IGDCC4: variants seen among roughly 807,000 people sequenced by gnomAD.
The protein encoded by IGDCC4 is likely ortholog of mouse neighbor of Punc E11.
Under a neutral mutation model 116.6 loss-of-function variants are expected in IGDCC4, and 72 were observed. The ratio of observed to expected loss-of-function variants is 0.62; its 90% CI spans 0.51 to 0.75. The LOEUF is 0.75. Among genes scored for constraint, IGDCC4 ranks in the 30% least tolerant of loss-of-function variants. The probability of loss-of-function intolerance (pLI) is 0.00; values close to 1 mark genes in which losing one functional copy is unlikely to be tolerated. For missense variants in IGDCC4, 1,501 were observed against 1,662.4 expected (o/e 0.90, Z 1.69); for synonymous variants, 709 against 719.9 (o/e 0.98, Z 0.24).
Position 65,394,533 on chromosome 15 carries a change from G to C in IGDCC4, c.1592C>G (p.Pro531Arg), listed in dbSNP as rs762796473. The part of the protein sequence containing the change: ...HTLDDVPSAA[P>R]QLSLSSPNPS... ...GTTGGGGCTGGACAGGGAGAGCTGG[G>C]GTGCTGCACTGGGGACTGAGACAGA... The change falls in exon 9 of 20, where the codon CCC (proline) becomes CGC (arginine). Residue 531 changes from proline to arginine, a missense_variant. Transcript: ENST00000352385. 2.5e-6 allele frequency: 4 copies of C among 1,607,134 alleles called. No homozygotes were observed. The highest frequency in any genetic ancestry group is 2.7e-5 in the African/African-American group (2 of 74,836).
At position 65,419,223 on chromosome 15, in the gene IGDCC4, C is replaced by CTT. The variant is rs541482808; in HGVS notation, c.70+3568_70+3569dup. On this transcript the variant is annotated intron_variant, in intron 1 of 19. Coordinates refer to ENST00000352385, the MANE Select transcript of IGDCC4 (RefSeq NM_020962.3). ...AGGGAACACCACCATGACCGCCATG[C>CTT]TTTTTTTTTTTTTTTTTTTAATTTT... 6.0e-3 allele frequency among the ~76,000 whole-genome samples: 754 copies of CTT among 126,444 alleles called. 5 individuals are homozygous for CTT. Among genetic ancestry groups the CTT allele is most frequent in the African/African-American group, 0.019 (653 of 33,622 alleles). The allele number at this position is 126,444 out of a possible 152,430, so 83.0% of individuals were successfully genotyped here. A position where few individuals can be genotyped will look rare whatever the true frequency, so the allele number is the denominator to read the frequency against.
At chr15:65,390,693 C>T (rs1339176579) in intron 12 of IGDCC4, among the ~76,000 whole-genome samples, 3 of 152,090 alleles carry the variant, frequency 2.0e-5, no homozygotes, top group Non-Finnish European at 2.9e-5. Context: ...TCTCCATTCA[C>T]TATTCTAATG....
intron 3 of IGDCC4, among the ~76,000 whole-genome samples, chr15:65,408,878 C>T (rs1339056319): frequency 7.2e-6 from 1 of 138,984 alleles, no homozygotes; most frequent in Non-Finnish European, 1.5e-5. Context: ...CTCGGTGTGT[C>T]ACCCAGGCTG....
rs765556242 is a variant in IGDCC4 at position 65,391,908 on chromosome 15, C to T, written c.2196G>A (p.Lys732=). 3.1e-6 allele frequency: 5 copies of T among 1,614,034 alleles called. No homozygotes were observed. The Admixed American group carries it at 6.7e-5, about 22-fold the overall frequency. ...KHEDGYAAVW[K]GKTEKAPAPD... ...GTGCCGGCGCCTTCTCCGTCTTGCC[C>T]TTCCACACTGCTGCATAGCCATCCT... Residue 732 remains lysine, a synonymous_variant, in exon 12 of 20, where the codon AAG becomes AAA. Coordinates refer to ENST00000352385, the MANE Select transcript of IGDCC4 (RefSeq NM_020962.3).
chr15:65,391,789 C>A, intron 12 of IGDCC4, 91 bp downstream of exon 12: 1 of 1,162,184 alleles, frequency 8.6e-7, no homozygotes, highest in South Asian at 1.3e-5. Context: ...AAAGTACCTG[C>A]TCACCAGGCT....
At chr15:65,391,801 G>T in intron 12 of IGDCC4, 79 bp downstream of exon 12, 2 of 1,312,406 alleles carry the variant, frequency 1.5e-6, no homozygotes, top group Non-Finnish European at 1.1e-6. Context: ...CACCAGGCTG[G>T]CCCAAAGGAA....
intron 6 of IGDCC4, 118 bp from the exon 7 acceptor site, chr15:65,396,281 A>C: frequency 9.3e-7 from 1 of 1,077,184 alleles, no homozygotes; most frequent in Non-Finnish European, 1.3e-6. Context: ...CAATCACTTT[A>C]ACCTCTCCCT....
At chr15:65,392,438 G>A (rs2062877233) in intron 10 of IGDCC4, 68 bp from the exon 11 acceptor site, 2 of 1,239,182 alleles carry the variant, frequency 1.6e-6, no homozygotes, top group Non-Finnish European at 2.2e-6. Flanking sequence ...AGGAGGCCAG[G>A]GATAGGAGAC....
chr15:65,404,667 T>C (rs369975544), intron 3 of IGDCC4, among the ~76,000 whole-genome samples: 4 of 94,938 alleles, frequency 4.2e-5, no homozygotes, highest in African/African-American at 2.8e-4. Context: ...AATGATGTGA[T>C]TGAGTGAATG....
At position 65,393,450 on chromosome 15, in the gene IGDCC4, A is replaced by C. The variant is rs1446611202; in HGVS notation, c.1796T>G (p.Val599Gly). 1.2e-6 allele frequency: 2 copies of C among 1,613,452 alleles called. No individual in the cohort carries two copies. Among genetic ancestry groups the C allele is most frequent in the Admixed American group, 1.7e-5 (1 of 59,926 alleles). The change falls in exon 10 of 20, where the codon GTA becomes GGA. Residue 599 changes from valine (V) to glycine (G), a missense_variant. Val to Gly is a moderately radical substitution (Grantham distance 109). Transcript: ENST00000352385. This position sits in a 1 kb window ranked among gnomAD's most constrained non-coding sequence, Gnocchi z 4.6. ...GGCTGCTGTACCAGCCGAAATCCGT[A>C]CTCGATACACCTTGTTTGGCTGAAG... is the stretch of plus-strand genomic sequence containing the variant. ...NSLQPNKVYR[V>G]RISAGTAAGF...
At chr15:65,417,494 C>A (rs1309687832) in intron 1 of IGDCC4, among the ~76,000 whole-genome samples, 1 of 152,246 alleles carries the variant, frequency 6.6e-6, no homozygotes, top group Non-Finnish European at 1.5e-5. Flanking sequence ...TGGTGCTGCT[C>A]TCACTCCCTA....
intron 1 of IGDCC4, among the ~76,000 whole-genome samples, chr15:65,419,793 C>G (rs79910290): frequency 6.6e-6 from 1 of 152,168 alleles, no homozygotes; most frequent in South Asian, 2.1e-4. Flanking sequence ...CACCTTTGTG[C>G]GTGTGATAAG....
At chr15:65,412,511 C>CAA (rs3082805) in intron 1 of IGDCC4, among the ~76,000 whole-genome samples, 5,855 of 16,672 alleles carry the variant, frequency 0.35, 2,359 homozygotes, top group Middle Eastern at 1. Flanking sequence ...GATTCCATCT[C>CAA]AAAAAAAAAA....
At position 65,388,813 on chromosome 15, in the gene IGDCC4, G is replaced by C; in HGVS notation, c.2702C>G (p.Thr901Arg). The C allele has an allele frequency of 6.2e-7, 1 of 1,613,970 alleles. No individual in the cohort carries two copies. Among genetic ancestry groups the C allele is most frequent in the Non-Finnish European group, 8.5e-7 (1 of 1,179,992 alleles). Residue 901 changes from threonine to arginine, a missense_variant, in exon 15 of 20, where the codon ACG (threonine) becomes AGG (arginine). Physicochemically the swap from Thr to Arg is moderately conservative, Grantham distance 71. This residue lies in a region of IGDCC4 where 235 missense variants were observed against 328.0 expected (regional missense o/e 0.72). Transcript: ENST00000352385. ...CCTGGGGCAGGAGCCCTCACCCTGC[G>C]TGGTGAGCAAGGTCCACTGGTGCTC... The part of the protein sequence containing the change: ...QPEHQWTLLT[T>R]QGNIFSAEVH...
At position 65,383,901 on chromosome 15, in the gene IGDCC4, G is replaced by A. The variant is rs2091426180; in HGVS notation, c.*108C>T. On this transcript the variant is annotated 3_prime_UTR_variant, in exon 20 of 20. Coordinates refer to ENST00000352385, the MANE Select transcript of IGDCC4 (RefSeq NM_020962.3). ...CCAAAGCAACTTAGGAAGCTCCAAA[G>A]GGCTTGATGATGTATCTACAGGCAC... 2 of 1,095,180 alleles carry A rather than the reference G, an allele frequency of 1.8e-6. No homozygotes were observed. The highest frequency in any genetic ancestry group is 1.9e-5 in the South Asian group (1 of 51,732). 67.8% of individuals were successfully genotyped at this position (1,095,180 alleles called of 1,614,324 possible). A position where few individuals can be genotyped will look rare whatever the true frequency, so the allele number is the denominator to read the frequency against.
intron 1 of IGDCC4, among the ~76,000 whole-genome samples, chr15:65,422,013 G>T (rs148806415): frequency 6.6e-6 from 1 of 152,078 alleles, no homozygotes; most frequent in Admixed American, 6.5e-5. Flanking sequence ...CGCTTCCCTG[G>T]TCGGTCCCTG....
chr15:65,402,532 C>T (rs1192964223), intron 3 of IGDCC4, 45 bp from the exon 4 acceptor site: 4 of 1,550,562 alleles, frequency 2.6e-6, no homozygotes, highest in Non-Finnish European at 3.5e-6. Context: ...GCAGGGGGGC[C>T]ACAGGGAGGG....
chr15:65,384,489 C>T lies in IGDCC4; in HGVS notation c.3343-70G>A, dbSNP rs1248121823. The T allele has an allele frequency of 7.1e-6, 10 of 1,417,772 alleles. No homozygotes were observed. Among genetic ancestry groups the T allele is most frequent in the Middle Eastern group, 1.8e-4 (1 of 5,420 alleles). 87.8% of individuals were successfully genotyped at this position (1,417,772 alleles called of 1,614,324 possible). A position where few individuals can be genotyped will look rare whatever the true frequency, so the allele number is the denominator to read the frequency against. Reference sequence around the variant, plus strand: ...AGTAATCATCAGAATGACCAGCGTACGTGGGGCAGAAAGTCTGACCCTCCA... The same window carrying T: ...AGTAATCATCAGAATGACCAGCGTATGTGGGGCAGAAAGTCTGACCCTCCA... On this transcript the variant is annotated intron_variant, in intron 19 of 19. Coordinates refer to ENST00000352385, the MANE Select transcript of IGDCC4 (RefSeq NM_020962.3). This position sits in a 1 kb window ranked among gnomAD's most constrained non-coding sequence, Gnocchi z 4.9.
At chr15:65,417,122 T>A (rs1240035848) in intron 1 of IGDCC4, among the ~76,000 whole-genome samples, 1 of 152,210 alleles carries the variant, frequency 6.6e-6, no homozygotes, top group Non-Finnish European at 1.5e-5. Flanking sequence ...ACTACTTGTT[T>A]GCAGCCCAGG....
Sources: gnomAD v4.1 joint callset for allele counts (sites outside exome capture counted in the v4.1 genomes callset) on GRCh38, gnomAD v4.1.1 for gene constraint, gnomAD v4.1.1 regional missense constraint, Gnocchi (gnomAD v3.1) non-coding constraint, MANE v1.5 for transcripts, NCBI Gene and HGNC (gene_info 2026-07-23, HGNC 2026-07-21) for gene names.